LRRIQ1: variants seen among roughly 807,000 people sequenced by gnomAD.
LRRIQ1 encodes leucine-rich repeat- and IQ domain-containing protein 1.
Under a neutral mutation model 211.9 loss-of-function variants are expected in LRRIQ1, and 210 were observed. That is an observed-to-expected ratio of 0.99 (90% CI 0.89 to 1.11). LRRIQ1 has a LOEUF of 1.11. Ranked by LOEUF, LRRIQ1 falls within the 50% of genes most tolerant of loss-of-function variation. LRRIQ1 has a pLI of 0.00. For synonymous variants in LRRIQ1, 699 were observed against 650.1 expected (o/e 1.08, Z -1.14); for missense variants, 2,136 against 1,939.5 (o/e 1.10, Z -1.90).
intron 24 of LRRIQ1, chr12:85,162,647 A>G: frequency 2.4e-6 from 1 of 410,128 alleles, no homozygotes; most frequent in Non-Finnish European, 4.8e-6. Context: ...CTGGTATAAA[A>G]TATGCTAGAA....
chr12:85,257,064 AATT>A (rs1490811819), intron 1 of LRRIQ1, among the ~76,000 whole-genome samples: 7 of 115,374 alleles, frequency 6.1e-5, no homozygotes, highest in Non-Finnish European at 1.0e-4. Context: ...ATAATTATAT[AATT>A]ATATAAATAT....
chr12:85,098,168 G>C (rs934601028), intron 11 of LRRIQ1, among the ~76,000 whole-genome samples, 187 bp from the exon 12 acceptor site: 3 of 152,000 alleles, frequency 2.0e-5, no homozygotes, highest in Admixed American at 1.3e-4. Context: ...ATGTCACCCA[G>C]ATGCCAGTTT....
At chr12:85,077,587 A>G (rs1883799152) in intron 11 of LRRIQ1, among the ~76,000 whole-genome samples, 1 of 152,150 alleles carries the variant, frequency 6.6e-6, no homozygotes, top group Non-Finnish European at 1.5e-5. Flanking sequence ...ATGGTATCCT[A>G]AGATAGGACT....
Position 85,227,325 on chromosome 12 carries a change from G to A in LRRIQ1, c.4823-2192G>A, listed in dbSNP as rs962029915. Among the ~76,000 whole-genome samples, 19 of 152,116 alleles carry A rather than the reference G, an allele frequency of 1.2e-4. No homozygotes were observed. The South Asian group carries it at 3.7e-3, about 30-fold the overall frequency. On this transcript the variant is annotated intron_variant, in intron 24 of 26. Coordinates refer to ENST00000393217, the MANE Select transcript of LRRIQ1 (RefSeq NM_001079910.2). ...GTTTTAGGGTACATGTGCACAATGT[G>A]CAGGTTTGTTACATATGTATACATG...
intron 24 of LRRIQ1, among the ~76,000 whole-genome samples, chr12:85,223,826 A>T (rs1383733098): frequency 6.6e-6 from 1 of 152,110 alleles, no homozygotes; most frequent in Non-Finnish European, 1.5e-5. Flanking sequence ...AACAAAAAAG[A>T]TATTTTACAA....
chr12:85,061,791 A>G (rs1339381488), intron 8 of LRRIQ1, among the ~76,000 whole-genome samples: 1 of 151,760 alleles, frequency 6.6e-6, no homozygotes, highest in African/African-American at 2.4e-5. Context: ...TCTCCCTACA[A>G]ATTGATGAGT....
At chr12:85,192,465 TTATA>T (rs1892580576) in intron 24 of LRRIQ1, among the ~76,000 whole-genome samples, 1 of 121,942 alleles carries the variant, frequency 8.2e-6, no homozygotes. Context: ...TATAATATAA[TTATA>T]TATAAATATA....
chr12:85,227,179 T>C (rs1184399817), intron 24 of LRRIQ1, among the ~76,000 whole-genome samples: 1 of 152,164 alleles, frequency 6.6e-6, no homozygotes, highest in Non-Finnish European at 1.5e-5. Flanking sequence ...TGTTCCTATT[T>C]CTTCACATCC....
chr12:85,141,697 G>C (rs969553318), intron 19 of LRRIQ1, among the ~76,000 whole-genome samples: 2 of 148,836 alleles, frequency 1.3e-5, no homozygotes, highest in African/African-American at 2.5e-5. Flanking sequence ...GTTGGGTTCT[G>C]CTTATTTTTA....
chr12:85,163,772 A>G (rs559647667), intron 24 of LRRIQ1, among the ~76,000 whole-genome samples: 11 of 152,266 alleles, frequency 7.2e-5, no homozygotes, highest in Admixed American at 3.3e-4. Context: ...TTATATTAAA[A>G]ATATAAGGTA....
chr12:85,112,725 C>T (rs1004114338), intron 15 of LRRIQ1, among the ~76,000 whole-genome samples: 4 of 151,890 alleles, frequency 2.6e-5, no homozygotes, highest in African/African-American at 9.7e-5. Flanking sequence ...CATTCAGATG[C>T]GATTTCAGGG....
chr12:85,272,425 A>C, the LRRIQ1 span, among the ~76,000 whole-genome samples: 1 of 152,210 alleles, frequency 6.6e-6, no homozygotes, highest in Non-Finnish European at 1.5e-5. Flanking sequence ...AATAGCATAT[A>C]TGAATCAAAT....
chr12:85,151,523 A>C (rs1890240722), intron 19 of LRRIQ1, among the ~76,000 whole-genome samples: 2 of 151,740 alleles, frequency 1.3e-5, no homozygotes, highest in Admixed American at 1.3e-4. Context: ...AGAAACATAG[A>C]AATTAATTCT....
intron 24 of LRRIQ1, among the ~76,000 whole-genome samples, chr12:85,172,586 C>T (rs1344168656): frequency 6.6e-6 from 1 of 152,040 alleles, no homozygotes; most frequent in African/African-American, 2.4e-5. Context: ...CTGAAAATCT[C>T]CCTAAAATTT....
intron 1 of LRRIQ1, chr12:85,262,820 A>G (rs1452479060): frequency 5.3e-6 from 3 of 561,838 alleles, no homozygotes; most frequent in Non-Finnish European, 6.8e-6. Context: ...AGACTTTTCA[A>G]CTGCATGTTT....
intron 24 of LRRIQ1, among the ~76,000 whole-genome samples, chr12:85,176,439 G>A (rs1891703645): frequency 6.6e-6 from 1 of 151,572 alleles, no homozygotes; most frequent in Admixed American, 6.6e-5. Flanking sequence ...CATGTCCTTT[G>A]TAGGGACATG....
chr12:85,232,796 C>T (rs779543632), intron 26 of LRRIQ1, 40 bp downstream of exon 26: 1 of 1,370,022 alleles, frequency 7.3e-7, no homozygotes, highest in Non-Finnish European at 1.0e-6. Flanking sequence ...ATGTTGTAGA[C>T]ACTAGTGCTC....
intron 11 of LRRIQ1, among the ~76,000 whole-genome samples, chr12:85,079,707 A>T (rs1403032337): frequency 6.6e-6 from 1 of 152,118 alleles, no homozygotes; most frequent in African/African-American, 2.4e-5. Flanking sequence ...TCATATAATC[A>T]TTGATGTATT....
At position 85,152,351 on chromosome 12, in the gene LRRIQ1, C is replaced by T. The variant is rs1592891629; in HGVS notation, c.4401C>T (p.Asn1467=). ...CTTCACAAACACTGCTTCTTTCAAA[C>T]CAGCTGCATTGGCCAAAGGTAACAT... ...RFPSQTLLLS[N]QLHWPKIPGN... Residue 1467 remains asparagine, a synonymous_variant, in exon 20 of 27, where the codon AAC becomes AAT. Transcript: ENST00000393217. 2 of 1,610,876 alleles carry T rather than the reference C, an allele frequency of 1.2e-6. No individual in the cohort carries two copies. The highest frequency in any genetic ancestry group is 1.7e-6 in the Non-Finnish European group (2 of 1,178,078).
Sources: allele counts gnomAD v4.1 joint callset (sites outside exome capture counted in the v4.1 genomes callset), GRCh38; gene constraint gnomAD v4.1.1; transcripts MANE v1.5; gene names NCBI Gene and HGNC (gene_info 2026-07-23, HGNC 2026-07-21).